TOX: variants seen among roughly 807,000 people sequenced by gnomAD.
TOX encodes thymocyte selection-associated high mobility group box protein TOX.
Under a neutral mutation model 53.7 loss-of-function variants are expected in TOX, and 11 were observed. The observed-to-expected ratio is 0.20, with a 90% confidence interval of 0.13 to 0.34. TOX has a LOEUF of 0.34. TOX is among the 10% of genes least tolerant of loss of function. TOX has a pLI of 1.00. For missense variants in TOX, 570 were observed against 664.6 expected (o/e 0.86, Z 1.56); for synonymous variants, 225 against 245.3 (o/e 0.92, Z 0.77).
intron 3 of TOX, among the ~76,000 whole-genome samples, chr8:58,920,734 AAAG>A (rs1812055145): frequency 2.5e-5 from 2 of 79,054 alleles, no homozygotes; most frequent in African/African-American, 3.7e-5. Flanking sequence ...AAAAAAAAAA[AAAG>A]AAAAAAAAGA....
chr8:58,818,648 A>G (rs1252604941), intron 6 of TOX, among the ~76,000 whole-genome samples: 2 of 152,092 alleles, frequency 1.3e-5, no homozygotes, highest in Non-Finnish European at 2.9e-5. Flanking sequence ...GGCAGCCACC[A>G]TTGCCCTTGC....
At chr8:59,029,039 C>T (rs748949968) in intron 1 of TOX, among the ~76,000 whole-genome samples, 2 of 152,098 alleles carry the variant, frequency 1.3e-5, no homozygotes, top group Non-Finnish European at 2.9e-5. Flanking sequence ...CGTTTTGGGA[C>T]AGAAATACTT....
intron 3 of TOX, among the ~76,000 whole-genome samples, chr8:58,926,633 G>T (rs1342914520): frequency 1.3e-5 from 2 of 152,172 alleles, no homozygotes; most frequent in African/African-American, 2.4e-5. Flanking sequence ...AAGCTGCCTA[G>T]AATTTTTCCT....
At chr8:59,049,857 G>A (rs554922683) in intron 1 of TOX, among the ~76,000 whole-genome samples, 28 of 152,236 alleles carry the variant, frequency 1.8e-4, no homozygotes, top group African/African-American at 6.7e-4. Flanking sequence ...TAGAAAGTTC[G>A]CCTCTCTTTT....
Position 58,815,508 on chromosome 8 carries a change from C to T in TOX, c.1222G>A (p.Val408Ile), listed in dbSNP as rs1247571532. 1.2e-6 allele frequency: 2 copies of T among 1,613,878 alleles called. No individual in the cohort carries two copies. The highest frequency in any genetic ancestry group is 1.3e-5 in the African/African-American group (1 of 74,910). ...GACACAGCCATGTTTGCTATAGAGA[C>T]AGTCACTGGCATTTGGTTATTCGGC... is the stretch of plus-strand genomic sequence containing the variant. ...PKPNNQMPVT[V>I]SIANMAVSPP... is the part of the protein sequence containing the mutation. Residue 408 changes from valine (V) to isoleucine (I), a missense_variant, in exon 7 of 9, where the codon GTC becomes ATC. By Grantham distance (29) the Val-to-Ile change is conservative. Around this residue, in one of 3 missense-constraint regions of TOX, gnomAD observed 239 missense variants for 250.7 expected, o/e 0.95. Coordinates refer to ENST00000361421, the MANE Select transcript of TOX (RefSeq NM_014729.3).
chr8:58,841,603 A>G (rs1810643572), intron 4 of TOX, among the ~76,000 whole-genome samples: 3 of 152,240 alleles, frequency 2.0e-5, no homozygotes, highest in Admixed American at 1.3e-4. Flanking sequence ...CACAATGACT[A>G]TAGTTAGTAC....
At chr8:59,029,163 C>A (rs888363655) in intron 1 of TOX, among the ~76,000 whole-genome samples, 13 of 152,178 alleles carry the variant, frequency 8.5e-5, no homozygotes, top group African/African-American at 2.9e-4. Flanking sequence ...CAGTCTATTT[C>A]TTTTCCTATA....
intron 1 of TOX, among the ~76,000 whole-genome samples, chr8:58,992,466 C>T (rs140803608): frequency 3.3e-5 from 5 of 152,276 alleles, no homozygotes; most frequent in East Asian, 3.9e-4. Context: ...ACCACATGCA[C>T]GTTTTAGGTG....
At chr8:58,975,609 G>T (rs1813082323) in intron 1 of TOX, among the ~76,000 whole-genome samples, 1 of 152,134 alleles carries the variant, frequency 6.6e-6, no homozygotes, top group Non-Finnish European at 1.5e-5. Flanking sequence ...CTAAAAATGT[G>T]CATACCTTAA....
intron 6 of TOX, among the ~76,000 whole-genome samples, chr8:58,816,148 C>T (rs1034982506): frequency 6.6e-6 from 1 of 152,116 alleles, no homozygotes; most frequent in Non-Finnish European, 1.5e-5. Context: ...TTTAATTTTT[C>T]CTTTTTTATA....
At chr8:58,983,416 T>C (rs997943404) in intron 1 of TOX, among the ~76,000 whole-genome samples, 1 of 152,194 alleles carries the variant, frequency 6.6e-6, no homozygotes, top group Admixed American at 6.5e-5. Flanking sequence ...ACCCCTGGCA[T>C]CGAGTTAAAG....
intron 1 of TOX, among the ~76,000 whole-genome samples, chr8:58,972,109 T>G (rs945899127): frequency 6.6e-6 from 1 of 152,176 alleles, no homozygotes; most frequent in African/African-American, 2.4e-5. Context: ...AAATGAAAAC[T>G]TTGTAGATCA....
At chr8:59,077,243 T>C (rs992184209) in intron 1 of TOX, among the ~76,000 whole-genome samples, 2 of 152,134 alleles carry the variant, frequency 1.3e-5, no homozygotes, top group African/African-American at 4.8e-5. Context: ...ACCATAGGAG[T>C]GCATGCTCTT....
chr8:59,118,751 G>T lies in TOX; in HGVS notation c.102+135C>A. 1 of 467,500 alleles carries T rather than the reference G, an allele frequency of 2.1e-6. No individual in the cohort carries two copies. The highest frequency in any genetic ancestry group is 3.6e-6 in the Non-Finnish European group (1 of 275,104). 29.0% of individuals were successfully genotyped at this position (467,500 alleles called of 1,614,324 possible). A position where few individuals can be genotyped will look rare whatever the true frequency, so the allele number is the denominator to read the frequency against. On this transcript the variant is annotated intron_variant, in intron 1 of 8. Coordinates refer to ENST00000361421, the MANE Select transcript of TOX (RefSeq NM_014729.3). This position sits in a 1 kb window ranked among gnomAD's most constrained non-coding sequence, Gnocchi z 4.1. ...ATATTTACTACCCAAGCGCACGCAGGCTGCAGCGGGCTGCGAGCCGAGCGC... is the reference window on the plus strand; with the variant it reads ...ATATTTACTACCCAAGCGCACGCAGTCTGCAGCGGGCTGCGAGCCGAGCGC...
chr8:59,110,680 T>C (rs1162373768), intron 1 of TOX, among the ~76,000 whole-genome samples: 1 of 151,894 alleles, frequency 6.6e-6, no homozygotes, highest in Non-Finnish European at 1.5e-5. Context: ...GCCCTCATAA[T>C]AGCATCTCTC....
intron 4 of TOX, among the ~76,000 whole-genome samples, chr8:58,843,465 T>A (rs952755283): frequency 6.6e-6 from 1 of 152,206 alleles, no homozygotes; most frequent in East Asian, 1.9e-4. Flanking sequence ...AAACTATGAA[T>A]GAAAGATCTC....
intron 3 of TOX, among the ~76,000 whole-genome samples, chr8:58,903,162 T>G (rs1301773313): frequency 1.3e-5 from 2 of 152,224 alleles, no homozygotes; most frequent in African/African-American, 4.8e-5. Context: ...AACTGCAGAA[T>G]TAACACAGAC....
chr8:58,972,143 T>A lies in TOX; in HGVS notation c.103-12135A>T, dbSNP rs554673486. The stretch of plus-strand genomic sequence containing the variant: ...CATTATATGTATATATATATGTGCA[T>A]GTAAGCATACATAGACGTGCATATT... On this transcript the variant is annotated intron_variant, in intron 1 of 8. Transcript: ENST00000361421. 2.8e-4 allele frequency among the ~76,000 whole-genome samples: 43 copies of A among 152,328 alleles called. No homozygotes were observed. In the South Asian group the frequency reaches 7.3e-3, roughly 26 times the overall value.
intron 4 of TOX, among the ~76,000 whole-genome samples, chr8:58,848,141 T>C (rs1490672481): frequency 6.6e-6 from 1 of 152,016 alleles, no homozygotes; most frequent in Non-Finnish European, 1.5e-5. Flanking sequence ...ACGGAAGGTG[T>C]ATGTAGTTAA....
Sources: gnomAD v4.1 joint callset for allele counts (sites outside exome capture counted in the v4.1 genomes callset) on GRCh38, gnomAD v4.1.1 for gene constraint, gnomAD v4.1.1 regional missense constraint, Gnocchi (gnomAD v3.1) non-coding constraint, MANE v1.5 for transcripts, NCBI Gene and HGNC (gene_info 2026-07-23, HGNC 2026-07-21) for gene names.